BIRC6: variants seen among roughly 807,000 people sequenced by gnomAD.
BIRC6 encodes the protein baculoviral IAP repeat containing 6.
A neutral mutation model predicts 503.3 loss-of-function variants in BIRC6; 98 were observed. That is an observed-to-expected ratio of 0.19 (90% CI 0.17 to 0.23). The LOEUF is 0.23. BIRC6 is among the 10% of genes least tolerant of loss of function. BIRC6 has a pLI of 1.00. For missense variants in BIRC6, 5,360 were observed against 5,806.0 expected (o/e 0.92, Z 2.50); for synonymous variants, 2,240 against 2,078.7 (o/e 1.08, Z -2.11).
intron 45 of BIRC6, among the ~76,000 whole-genome samples, chr2:32,496,742 A>G (rs934008701): frequency 2.2e-4 from 33 of 152,238 alleles, no homozygotes; most frequent in Middle Eastern, 3.4e-3. Context: ...GAAAAAAATC[A>G]TTTTGAGTGA....
At chr2:32,371,779 G>A (rs1035696008) in intron 1 of BIRC6, among the ~76,000 whole-genome samples, 2 of 151,860 alleles carry the variant, frequency 1.3e-5, no homozygotes, top group Non-Finnish European at 2.9e-5. Flanking sequence ...ATAGGCTATT[G>A]CTCCATGTGT....
intron 66 of BIRC6, among the ~76,000 whole-genome samples, chr2:32,592,705 C>G (rs780322847): frequency 1.3e-5 from 2 of 152,038 alleles, no homozygotes; most frequent in Non-Finnish European, 2.9e-5. Context: ...AAGTGATTCT[C>G]CTGCCTCAGC....
intron 10 of BIRC6, among the ~76,000 whole-genome samples, chr2:32,421,092 C>G (rs151116561): frequency 0.011 from 1,608 of 145,906 alleles, 16 homozygotes; most frequent in Non-Finnish European, 0.016. Flanking sequence ...TCTCTAGTTT[C>G]TTTCTTTCTT....
chr2:32,395,689 T>C, intron 6 of BIRC6, 96 bp downstream of exon 6: 1 of 1,028,500 alleles, frequency 9.7e-7, no homozygotes, highest in Non-Finnish European at 1.5e-6. Context: ...ATTTTTTGCC[T>C]TTTTGCCACC....
In BIRC6 at chr2:32,419,024, G is replaced by A. The variant is rs189328099; in HGVS notation, c.2872+2861G>A. ...GAGTTGGTACAGTCCGGAATTCCTA[G>A]AACATGATCTCATGTGATAGGGAAT... On this transcript the variant is annotated intron_variant, in intron 10 of 73. Transcript: ENST00000421745. Among the ~76,000 whole-genome samples the A allele has an allele frequency of 3.0e-3, 459 of 152,316 alleles. 1 individual carries two copies. The highest frequency in any genetic ancestry group is 5.1e-3 in the Non-Finnish European group (347 of 68,016).
At chr2:32,444,680 G>GTTTT (rs1027540021) in intron 20 of BIRC6, among the ~76,000 whole-genome samples, 9 of 151,944 alleles carry the variant, frequency 5.9e-5, no homozygotes, top group African/African-American at 2.2e-4. Context: ...GAGGCCAGGA[G>GTTTT]TTTAAAAAAA....
At position 32,453,822 on chromosome 2, in the gene BIRC6, A is replaced by T; in HGVS notation, c.4633A>T (p.Ser1545Cys). Residue 1545 changes from serine to cysteine, a missense_variant, in exon 23 of 74, where the codon AGT becomes TGT. Physicochemically the swap from Ser to Cys is moderately radical, Grantham distance 112. Transcript: ENST00000421745. ...SDVLSGNGKV[S>C]SCTAAEGSFT... ...TTTGCCATTAGGAAATGGAAAGGTC[A>T]GTAGTTGCACAGCTGCTGAGGGTAG... 1.9e-6 allele frequency: 3 copies of T among 1,613,650 alleles called. No homozygotes were observed. Among genetic ancestry groups the T allele is most frequent in the Non-Finnish European group, 2.5e-6 (3 of 1,179,706 alleles).
chr2:32,579,937 G>A (rs2060551518), intron 66 of BIRC6, among the ~76,000 whole-genome samples: 2 of 150,258 alleles, frequency 1.3e-5, no homozygotes, highest in Admixed American at 6.7e-5. Flanking sequence ...ATAAATGGGG[G>A]AAATAATAAC....
rs185403838 is a variant in BIRC6 at position 32,463,204 on chromosome 2, C to T, written c.4764C>T (p.Phe1588=). ...RIERDDAMSS[F]GVTPAVGGLS... ...CTTGTCTTATGCCAGTGAGTTCCTT[C>T]GGGGTTACTCCTGCAGTAGGTGGAC... Residue 1588 remains phenylalanine, a synonymous_variant, in exon 24 of 74, where the codon TTC becomes TTT. Transcript: ENST00000421745. 127 of 1,608,938 alleles carry T rather than the reference C, an allele frequency of 7.9e-5. No individual in the cohort carries two copies. In the East Asian group the frequency reaches 1.9e-3, roughly 24 times the overall value.
intron 62 of BIRC6, 38 bp from the exon 63 acceptor site, chr2:32,545,605 T>A: frequency 6.5e-7 from 1 of 1,529,874 alleles, no homozygotes; most frequent in African/African-American, 1.4e-5. Context: ...TGTTTTTAAC[T>A]GTTTTTAATC....
intron 47 of BIRC6, among the ~76,000 whole-genome samples, chr2:32,502,347 A>G (rs1293282356): frequency 1.3e-5 from 2 of 152,178 alleles, no homozygotes; most frequent in Non-Finnish European, 2.9e-5. Flanking sequence ...CATTTTTACA[A>G]ATGAAATTGT....
chr2:32,561,687 T>C (rs1398073931), intron 65 of BIRC6, among the ~76,000 whole-genome samples: 1 of 150,640 alleles, frequency 6.6e-6, no homozygotes, highest in Non-Finnish European at 1.5e-5. Flanking sequence ...TGGGATTATC[T>C]TTTATGTTTA....
chr2:32,379,597 A>T (rs1456272945), intron 2 of BIRC6: 1 of 152,138 alleles, frequency 6.6e-6, no homozygotes, highest in Non-Finnish European at 1.5e-5. Flanking sequence ...GGCTTCCTTT[A>T]CTGCATCAGA....
chr2:32,419,576 G>A (rs1433739906), intron 10 of BIRC6, among the ~76,000 whole-genome samples: 1 of 152,114 alleles, frequency 6.6e-6, no homozygotes, highest in African/African-American at 2.4e-5. Flanking sequence ...AGAAGACTAA[G>A]ATGTATCAGT....
At chr2:32,362,227 T>G in intron 1 of BIRC6, among the ~76,000 whole-genome samples, 1 of 152,188 alleles carries the variant, frequency 6.6e-6, no homozygotes, top group East Asian at 1.9e-4. Context: ...TGGTATCTCC[T>G]TTTTTAAAAT....
At chr2:32,367,289 C>A (rs894030623) in intron 1 of BIRC6, among the ~76,000 whole-genome samples, 4 of 151,864 alleles carry the variant, frequency 2.6e-5, no homozygotes, top group Non-Finnish European at 4.4e-5. Flanking sequence ...ATGGTAAAAC[C>A]CTGTCTCTAC....
At chr2:32,468,294 C>G in intron 28 of BIRC6, 143 bp from the exon 29 acceptor site, 3 of 933,846 alleles carry the variant, frequency 3.2e-6, no homozygotes, top group Admixed American at 5.8e-5. Context: ...TTAATGGGCT[C>G]CATTTATTAG....
chr2:32,615,891 C>T (rs562565408), intron 73 of BIRC6, among the ~76,000 whole-genome samples: 23 of 152,166 alleles, frequency 1.5e-4, no homozygotes, highest in Admixed American at 2.6e-4. Context: ...CCATGGCCTC[C>T]GAAAGTGCTG....
At chr2:32,389,255 A>C (rs2038902319) in intron 4 of BIRC6, among the ~76,000 whole-genome samples, 1 of 152,120 alleles carries the variant, frequency 6.6e-6, no homozygotes, top group Non-Finnish European at 1.5e-5. Flanking sequence ...TAAAATTACT[A>C]TAATTATTTA....
Sources: gnomAD v4.1 joint callset for allele counts (sites outside exome capture counted in the v4.1 genomes callset) on GRCh38, gnomAD v4.1.1 for gene constraint, MANE v1.5 for transcripts, NCBI Gene and HGNC (gene_info 2026-07-23, HGNC 2026-07-21) for gene names.